FAR1: variants seen among roughly 807,000 people sequenced by gnomAD.
FAR1 encodes male sterility domain-containing protein 2.
A neutral mutation model predicts 61.1 loss-of-function variants in FAR1; 22 were observed. The observed-to-expected ratio is 0.36, with a 90% CI of 0.26 to 0.51. FAR1 has a LOEUF of 0.51. Among genes scored for constraint, FAR1 ranks in the 20% least tolerant of loss-of-function variants. FAR1 has a pLI of 0.95. For missense variants in FAR1, 359 were observed against 626.9 expected (o/e 0.57, Z 4.56); for synonymous variants, 206 against 209.7 (o/e 0.98, Z 0.15).
intron 11 of FAR1, 51 bp downstream of exon 11, chr11:13,727,734 TCCACAATTTTTTTGGTAAA>T: frequency 6.6e-7 from 1 of 1,522,946 alleles, no homozygotes; most frequent in East Asian, 2.4e-5. Flanking sequence ...TATGAAATAT[TCCACAATTTTTTTGGTAAA>T]CTGGTATATT....
At chr11:13,711,075 C>T (rs1454040928) in intron 5 of FAR1, 8 of 498,752 alleles carry the variant, frequency 1.6e-5, no homozygotes, top group African/African-American at 8.2e-5. Context: ...AAATGTAGAT[C>T]AACATTTAAA....
At position 13,730,564 on chromosome 11, in the gene FAR1, C is replaced by T. The variant is rs550414806; in HGVS notation, c.*1790C>T. On this transcript the variant is annotated 3_prime_UTR_variant, in exon 12 of 12. Transcript: ENST00000354817. ...TGGCCCACATAATATACATTGAGTA[C>T]TCCATCTCTCCAAATGTATTTCCAT... is the stretch of plus-strand genomic sequence containing the variant. 2.1e-4 allele frequency: 32 copies of T among 152,104 alleles called. No homozygotes were observed. Among genetic ancestry groups the T allele is most frequent in the African/African-American group, 7.5e-4 (31 of 41,548 alleles). 9.4% of individuals were successfully genotyped at this position (152,104 alleles called of 1,614,324 possible).
At chr11:13,718,070 T>C (rs1304014064) in intron 9 of FAR1, among the ~76,000 whole-genome samples, 1 of 152,222 alleles carries the variant, frequency 6.6e-6, no homozygotes, top group Non-Finnish European at 1.5e-5. Flanking sequence ...GGACAGCACT[T>C]TTAGATCTTA....
At chr11:13,716,304 T>C (rs12273129) in intron 9 of FAR1, among the ~76,000 whole-genome samples, 32,145 of 152,190 alleles carry the variant, frequency 0.21, 3,664 homozygotes, top group South Asian at 0.28. Context: ...GTTTACTAAA[T>C]GCTTCAGAGG....
chr11:13,722,027 T>C lies in FAR1; in HGVS notation c.1257+168T>C, dbSNP rs139450775. ...ATTGTTAGTGGTGAAATAAAATTGC[T>C]GTATCTTAACATTTCTAGTGTAAGT... On this transcript the variant is annotated intron_variant, in intron 10 of 11. Transcript: ENST00000354817. Among the ~76,000 whole-genome samples, 206 of 152,326 alleles carry C rather than the reference T, an allele frequency of 1.4e-3. 1 individual carries two copies. Among genetic ancestry groups the C allele is most frequent in the African/African-American group, 4.7e-3 (194 of 41,584 alleles).
intron 1 of FAR1, among the ~76,000 whole-genome samples, chr11:13,682,263 C>T (rs777570827): frequency 5.9e-5 from 9 of 152,226 alleles, no homozygotes; most frequent in African/African-American, 9.6e-5. Context: ...TCATAGACAA[C>T]GAATATTTAG....
intron 9 of FAR1, chr11:13,715,735 C>A (rs1273570346): frequency 2.6e-5 from 4 of 152,066 alleles, no homozygotes; most frequent in African/African-American, 9.7e-5. Flanking sequence ...ACTGTCTTTA[C>A]CACACAATTA....
chr11:13,708,012 C>T lies in FAR1; in HGVS notation c.478C>T (p.Arg160Cys), dbSNP rs1267562701. The T allele has an allele frequency of 9.3e-6, 15 of 1,608,780 alleles. No individual in the cohort carries two copies. Among genetic ancestry groups the T allele is most frequent in the East Asian group, 2.2e-5 (1 of 44,604 alleles). Residue 160 changes from arginine to cysteine, a missense_variant, in exon 4 of 12, where the codon CGC becomes TGC. This residue lies in a region of FAR1 where 344 missense variants were observed against 570.3 expected (regional missense o/e 0.60). Transcript: ENST00000354817. ...ATCAACAGCATATGCCTACTGTAAT[C>T]GCAAGCATATTGATGAAGTAGTCTA... ...HVSTAYAYCN[R>C]KHIDEVVYPP...
chr11:13,699,001 C>T (rs1430538629), intron 2 of FAR1, among the ~76,000 whole-genome samples: 2 of 152,042 alleles, frequency 1.3e-5, no homozygotes, highest in Non-Finnish European at 2.9e-5. Flanking sequence ...TTTTAATTTC[C>T]CAAGCATATT....
At chr11:13,694,734 T>C in intron 1 of FAR1, 25 bp from the exon 2 acceptor site, 3 of 1,568,276 alleles carry the variant, frequency 1.9e-6, no homozygotes, top group Non-Finnish European at 2.6e-6. Context: ...CTTAAACTAA[T>C]GCTTATTTGC....
intron 9 of FAR1, chr11:13,720,339 G>A (rs991812928): frequency 6.6e-6 from 1 of 152,064 alleles, no homozygotes; most frequent in Non-Finnish European, 1.5e-5. Flanking sequence ...ATATATTGAT[G>A]TAGTGACAAA....
At chr11:13,677,923 A>G (rs1279432008) in intron 1 of FAR1, among the ~76,000 whole-genome samples, 2 of 152,256 alleles carry the variant, frequency 1.3e-5, no homozygotes, top group Non-Finnish European at 2.9e-5. Context: ...TATATTCTCT[A>G]CAGTTATAAT....
intron 1 of FAR1, among the ~76,000 whole-genome samples, chr11:13,680,412 T>G (rs965437283): frequency 5.3e-5 from 8 of 152,176 alleles, no homozygotes; most frequent in Non-Finnish European, 1.2e-4. Context: ...TTTTCTTTGA[T>G]GTTGAGTCTG....
Position 13,730,098 on chromosome 11 carries a change from A to G in FAR1, c.*1324A>G, listed in dbSNP as rs1368530357. On this transcript the variant is annotated 3_prime_UTR_variant, in exon 12 of 12. Transcript: ENST00000354817. ...GTTTTAACATACATTTGATTTAACA[A>G]ATTGTTCAGCATAACACTTCTAATT... 6.6e-6 allele frequency: 1 copy of G among 152,408 alleles called. No individual in the cohort carries two copies. Among genetic ancestry groups the G allele is most frequent in the Non-Finnish European group, 1.5e-5 (1 of 67,874 alleles). 9.4% of individuals were successfully genotyped at this position (152,408 alleles called of 1,614,324 possible).
At position 13,711,786 on chromosome 11, in the gene FAR1, G is replaced by T; in HGVS notation, c.746G>T (p.Gly249Val). 1 of 1,600,674 alleles carries T rather than the reference G, an allele frequency of 6.2e-7. No homozygotes were observed. Among genetic ancestry groups the T allele is most frequent in the Non-Finnish European group, 8.5e-7 (1 of 1,175,098 alleles). ...PFPGWIDNFNGPSGLFIAAGK... is the reference protein window; with the variant it reads ...PFPGWIDNFNVPSGLFIAAGK... ...TAGGGATGGATTGATAACTTTAATG[G>T]ACCAAGTGGTCTCTTTATTGCGGTA... is the stretch of plus-strand genomic sequence containing the variant. Residue 249 changes from glycine (G) to valine (V), a missense_variant, in exon 6 of 12, where the codon GGA becomes GTA. Transcript: ENST00000354817.
At chr11:13,717,698 T>G (rs1284958373) in intron 9 of FAR1, among the ~76,000 whole-genome samples, 1 of 152,174 alleles carries the variant, frequency 6.6e-6, no homozygotes, top group Non-Finnish European at 1.5e-5. Context: ...TATTTTAGGT[T>G]TAGCAGGACA....
At position 13,704,467 on chromosome 11, in the gene FAR1, TAAG is replaced by T. The variant is rs1475573238; in HGVS notation, c.366-3430_366-3428del. 4.6e-5 allele frequency among the ~76,000 whole-genome samples: 7 copies of T among 151,500 alleles called. No homozygotes were observed. In the South Asian group the frequency reaches 1.2e-3, roughly 27 times the overall value. On this transcript the variant is annotated intron_variant, in intron 3 of 11. Transcript: ENST00000354817. ...AAACTTTAGAATGTATTAAGAATCT[TAAG>T]AATTACTGGAAAGTGTGTTAAAAAT...
chr11:13,705,353 T>C (rs1268207398), intron 3 of FAR1, among the ~76,000 whole-genome samples: 1 of 151,804 alleles, frequency 6.6e-6, no homozygotes, highest in Non-Finnish European at 1.5e-5. Flanking sequence ...AGATACTAGA[T>C]GTTACTCACT....
At chr11:13,678,882 A>G (rs1051344564) in intron 1 of FAR1, among the ~76,000 whole-genome samples, 3 of 152,316 alleles carry the variant, frequency 2.0e-5, no homozygotes, top group East Asian at 1.9e-4. Context: ...CTTGAGAACA[A>G]GATTCAGAAG....
Sources: allele counts gnomAD v4.1 joint callset (sites outside exome capture counted in the v4.1 genomes callset), GRCh38; gene constraint gnomAD v4.1.1; regional missense constraint gnomAD v4.1.1; transcripts MANE v1.5; gene names NCBI Gene and HGNC (gene_info 2026-07-23, HGNC 2026-07-21).